The following MPV17 variants were observed in gnomAD, a reference collection of about 807,000 sequenced individuals.
MPV17 encodes mitochondrial inner membrane protein MPV17, also known as MPV17, mitochondrial inner membrane protein.
MPV17 carries 31 observed loss-of-function variants against 28.6 expected under a neutral mutation model. The observed-to-expected ratio is 1.08, with a 90% CI of 0.81 to 1.46. The LOEUF (loss-of-function observed/expected upper bound fraction) is 1.46, where lower values mean the gene tolerates loss of function less well. MPV17 is among the 40% of genes most tolerant of loss of function. The probability of loss-of-function intolerance (pLI) is 0.00; values close to 1 mark genes in which losing one functional copy is unlikely to be tolerated. For synonymous variants in MPV17, 87 were observed against 85.3 expected, an observed-to-expected ratio of 1.02 and a Z score of -0.11; for missense variants, 198 against 216.2, an observed-to-expected ratio of 0.92 and a Z score of 0.53.
chr2:27,311,870 T>C (rs1679452596), intron 7 of MPV17, 29 bp downstream of exon 7: 2 of 1,612,506 alleles, frequency 1.2e-6, no homozygotes, highest in Admixed American at 1.7e-5. Context: ...TGGGTCTTCC[T>C]TGATGGGTGG....
At chr2:27,322,186 C>T (rs1679886181) in intron 2 of MPV17, 1 of 559,808 alleles carries the variant, frequency 1.8e-6, no homozygotes, top group Non-Finnish European at 3.2e-6. Context: ...ATGCCTTTAT[C>T]CTTCAGGGCT....
At chr2:27,312,327 C>T in intron 5 of MPV17, 81 bp from the exon 6 acceptor site, 1 of 1,532,234 alleles carries the variant, frequency 6.5e-7, no homozygotes, top group Non-Finnish European at 9.0e-7. Flanking sequence ...CACACACAGA[C>T]TTGGGTTCAA....
At chr2:27,311,257 C>T (rs903330819) in intron 7 of MPV17, 2 of 285,830 alleles carry the variant, frequency 7.0e-6, no homozygotes, top group African/African-American at 4.4e-5. Flanking sequence ...GATGAGGTCT[C>T]ACTATATTGC....
chr2:27,310,017 G>C, intron 7 of MPV17, 36 bp from the exon 8 acceptor site: 30 of 1,543,086 alleles, frequency 1.9e-5, no homozygotes, highest in Non-Finnish European at 2.5e-5. Context: ...AGAGGAGGAA[G>C]GCTAAGCAGT....
rs1679367662 is a variant in MPV17 at position 27,309,981 on chromosome 2, C to G, written c.462G>C (p.Arg154Ser). ...CAGCAACACATTGGACAACGGCCAA[C>G]CTAAGGAACAGGAATAACACAATGA... is the stretch of plus-strand genomic sequence containing the variant. ...ANFYLVPLHY[R>S]LAVVQCVAVI... Residue 154 changes from arginine (R) to serine (S), a missense_variant and splice_region_variant, in exon 8 of 8, where the codon AGG becomes AGC. Transcript: ENST00000380044. The G allele has an allele frequency of 6.2e-7, 1 of 1,613,090 alleles. No individual in the cohort carries two copies. Among genetic ancestry groups the G allele is most frequent in the Non-Finnish European group, 8.5e-7 (1 of 1,179,106 alleles).
intron 2 of MPV17, among the ~76,000 whole-genome samples, chr2:27,318,069 CTTTTT>C (rs746744519): frequency 7.3e-6 from 1 of 137,404 alleles, no homozygotes; most frequent in Admixed American, 7.4e-5. Flanking sequence ...TCTTTCTTTT[CTTTTT>C]TTTTTTTTTT....
intron 2 of MPV17, chr2:27,315,893 G>C: frequency 7.0e-7 from 1 of 1,424,044 alleles, no homozygotes; most frequent in Non-Finnish European, 9.1e-7. Flanking sequence ...GTCTTTGAGA[G>C]ATGAGATGAC....
chr2:27,322,796 A>C (rs1213471865), intron 1 of MPV17, among the ~76,000 whole-genome samples: 1 of 152,216 alleles, frequency 6.6e-6, no homozygotes, highest in East Asian at 1.9e-4. Context: ...ACCACCTGGA[A>C]GCCTCCGTTC....
intron 2 of MPV17, among the ~76,000 whole-genome samples, chr2:27,318,772 C>CT (rs540241473): frequency 1.1e-3 from 165 of 150,846 alleles, no homozygotes; most frequent in African/African-American, 3.7e-3. Flanking sequence ...CTTTTCTTTT[C>CT]TTTTTTTTTG....
chr2:27,322,255 A>G (rs749345933), intron 2 of MPV17, 193 bp downstream of exon 2: 3 of 638,002 alleles, frequency 4.7e-6, no homozygotes, highest in Non-Finnish European at 5.7e-6. Context: ...AGCTTGGCCA[A>G]CTACGCATAC....
At chr2:27,310,077 C>T (rs1329833979) in intron 7 of MPV17, 96 bp from the exon 8 acceptor site, 3 of 949,248 alleles carry the variant, frequency 3.2e-6, no homozygotes, top group East Asian at 2.4e-5. Context: ...GGGATCATGA[C>T]AAAGGATTGG....
At position 27,309,818 on chromosome 2, in the gene MPV17, G is replaced by A. The variant is rs942966851; in HGVS notation, c.*94C>T. ...AAGCTCTGACCGGCAACCCAACCCC[G>A]TGGAAACTGGTATGCCCACTTTGAG... On this transcript the variant is annotated 3_prime_UTR_variant, in exon 8 of 8. Transcript: ENST00000380044. 18 of 1,036,452 alleles carry A rather than the reference G, an allele frequency of 1.7e-5. No individual in the cohort carries two copies. Among genetic ancestry groups the A allele is most frequent in the African/African-American group, 6.3e-5 (4 of 63,750 alleles). 64.2% of individuals were successfully genotyped at this position (1,036,452 alleles called of 1,614,324 possible). A position where few individuals can be genotyped will look rare whatever the true frequency, so the allele number is the denominator to read the frequency against.
At chr2:27,312,632 A>T (rs1418217859) in intron 4 of MPV17, 43 bp from the exon 5 acceptor site, 3 of 1,612,862 alleles carry the variant, frequency 1.9e-6, no homozygotes, top group Non-Finnish European at 2.5e-6. Flanking sequence ...TGAAATCCCC[A>T]CCTACCCCCA....
At chr2:27,322,629 G>A in intron 1 of MPV17, 107 bp from the exon 2 acceptor site, 8 of 893,372 alleles carry the variant, frequency 9.0e-6, no homozygotes, top group Non-Finnish European at 1.5e-5. Flanking sequence ...CACTTCCAAT[G>A]TGACTTAAAG....
chr2:27,310,049 G>A, intron 7 of MPV17, 68 bp from the exon 8 acceptor site: 1 of 1,163,922 alleles, frequency 8.6e-7, no homozygotes, highest in South Asian at 1.2e-5. Flanking sequence ...GGAGATGGGA[G>A]CATGAAATGG....
At chr2:27,314,531 T>C (rs551720525) in intron 2 of MPV17, among the ~76,000 whole-genome samples, 1 of 152,158 alleles carries the variant, frequency 6.6e-6, no homozygotes, top group East Asian at 1.9e-4. Context: ...TGCACCTGCT[T>C]CCCTTGCCCC....
At chr2:27,318,432 A>G (rs1192743948) in intron 2 of MPV17, among the ~76,000 whole-genome samples, 3 of 150,536 alleles carry the variant, frequency 2.0e-5, no homozygotes, top group East Asian at 2.0e-4. Context: ...ATCTTGGTTC[A>G]TTGCAACCTC....
At chr2:27,315,901 G>A in intron 2 of MPV17, 1 of 1,426,646 alleles carries the variant, frequency 7.0e-7, no homozygotes, top group Non-Finnish European at 9.1e-7. Context: ...GAGATGAGAT[G>A]ACTTGGTAAG....
At chr2:27,316,535 G>C (rs1230354589) in intron 2 of MPV17, among the ~76,000 whole-genome samples, 1 of 152,332 alleles carries the variant, frequency 6.6e-6, no homozygotes, top group East Asian at 1.9e-4. Context: ...AGGCTTTGGA[G>C]CAAGCATAGA....
Sources: gnomAD v4.1 joint callset for allele counts (sites outside exome capture counted in the v4.1 genomes callset) on GRCh38, gnomAD v4.1.1 for gene constraint, MANE v1.5 for transcripts, NCBI Gene and HGNC (gene_info 2026-07-23, HGNC 2026-07-21) for gene names.